Variants in PDS5B observed in about 807,000 individuals in gnomAD.
The protein encoded by PDS5B is sister chromatid cohesion protein PDS5 homolog B.
Under a neutral mutation model 184.1 loss-of-function variants are expected in PDS5B, and 51 were observed. The observed-to-expected ratio is 0.28, with a 90% CI of 0.22 to 0.35. The LOEUF (loss-of-function observed/expected upper bound fraction) is 0.35. PDS5B is among the 10% of genes least tolerant of loss of function. PDS5B has a pLI of 1.00. For synonymous variants in PDS5B, 566 were observed against 569.2 expected (o/e 0.99, Z 0.08); for missense variants, 1,180 against 1,723.3 (o/e 0.68, Z 5.58).
intron 33 of PDS5B, 79 bp downstream of exon 33, chr13:32,770,840 C>T: frequency 9.6e-7 from 1 of 1,045,242 alleles, no homozygotes; most frequent in Non-Finnish European, 1.4e-6. Context: ...ATACATATTG[C>T]TGTATTTAAA....
intron 1 of PDS5B, among the ~76,000 whole-genome samples, chr13:32,627,961 A>G (rs2058394810): frequency 6.6e-6 from 1 of 152,198 alleles, no homozygotes; most frequent in African/African-American, 2.4e-5. Context: ...AGCACTTTTG[A>G]CATTTCAGAA....
chr13:32,687,321 G>T, intron 12 of PDS5B, 36 bp downstream of exon 12: 1 of 1,415,680 alleles, frequency 7.1e-7, no homozygotes, highest in Non-Finnish European at 9.6e-7. Flanking sequence ...TGGTGACTTT[G>T]AATGTTATAT....
At chr13:32,732,876 A>G (rs1953173831) in intron 20 of PDS5B, among the ~76,000 whole-genome samples, 1 of 152,124 alleles carries the variant, frequency 6.6e-6, no homozygotes, top group African/African-American at 2.4e-5. Flanking sequence ...GTAGAGTCAA[A>G]ACAATTTAGA....
intron 1 of PDS5B, among the ~76,000 whole-genome samples, chr13:32,608,895 T>C (rs996566790): frequency 6.6e-6 from 1 of 152,200 alleles, no homozygotes; most frequent in African/African-American, 2.4e-5. Flanking sequence ...GCTTATCTTA[T>C]GTTGACCTAG....
Position 32,684,781 on chromosome 13 carries a change from C to T in PDS5B, c.1203+758C>T, listed in dbSNP as rs192016821. ...TTATCAAAGAAAGTGGGAGGCCTGCCTATTGGTTGTTGGAATATCTTTGAC... is the reference window on the plus strand; with the variant it reads ...TTATCAAAGAAAGTGGGAGGCCTGCTTATTGGTTGTTGGAATATCTTTGAC... On this transcript the variant is annotated intron_variant, in intron 11 of 34. Coordinates refer to ENST00000315596, the MANE Select transcript of PDS5B (RefSeq NM_015032.4). Among the ~76,000 whole-genome samples, 7 of 152,210 alleles carry T rather than the reference C, an allele frequency of 4.6e-5. No individual in the cohort carries two copies. The East Asian group carries it at 1.3e-3, about 29-fold the overall frequency.
At chr13:32,679,705 T>A (rs1021641184) in intron 10 of PDS5B, among the ~76,000 whole-genome samples, 4 of 152,200 alleles carry the variant, frequency 2.6e-5, no homozygotes, top group African/African-American at 9.7e-5. Flanking sequence ...TTCATCCTTT[T>A]TGGGAGACAT....
rs184708566 is a variant in PDS5B, at chr13:32,643,527, A to G, written c.-19-5227A>G. On this transcript the variant is annotated intron_variant, in intron 1 of 34. Transcript: ENST00000315596. ...ATCGCTACCACTTTTTTTCATATACAGTTGCGTACCACACAACTTTTCTGT... is the reference window on the plus strand; with the variant it reads ...ATCGCTACCACTTTTTTTCATATACGGTTGCGTACCACACAACTTTTCTGT... 1.9e-4 allele frequency among the ~76,000 whole-genome samples: 29 copies of G among 152,250 alleles called. No individual in the cohort carries two copies. In the East Asian group the frequency reaches 5.0e-3, roughly 26 times the overall value.
intron 17 of PDS5B, among the ~76,000 whole-genome samples, chr13:32,706,530 TG>T (rs943250684): frequency 6.6e-6 from 1 of 152,138 alleles, no homozygotes; most frequent in African/African-American, 2.4e-5. Flanking sequence ...GTAAATGGTT[TG>T]GAAGTGCTTA....
chr13:32,630,411 A>G (rs536046813), intron 1 of PDS5B, among the ~76,000 whole-genome samples: 17 of 152,046 alleles, frequency 1.1e-4, no homozygotes, highest in Non-Finnish European at 2.2e-4. Flanking sequence ...TGCCCTCCTC[A>G]TATCTAGTGA....
At chr13:32,650,155 C>A (rs1181951950) in intron 2 of PDS5B, 1 of 152,068 alleles carries the variant, frequency 6.6e-6, no homozygotes, top group Admixed American at 6.6e-5. Flanking sequence ...AGTTTTATAA[C>A]AGCATTTGAG....
intron 14 of PDS5B, among the ~76,000 whole-genome samples, chr13:32,696,583 G>A (rs926641937): frequency 6.6e-6 from 1 of 151,440 alleles, no homozygotes; most frequent in Admixed American, 6.6e-5. Context: ...ATACGTACCT[G>A]TTACAAAATG....
chr13:32,680,137 C>T (rs1951197099), intron 10 of PDS5B, among the ~76,000 whole-genome samples: 1 of 151,876 alleles, frequency 6.6e-6, no homozygotes, highest in Admixed American at 6.6e-5. Flanking sequence ...AAAGGCTTTC[C>T]TCAAATGATT....
At chr13:32,767,266 A>G (rs977998227) in intron 31 of PDS5B, among the ~76,000 whole-genome samples, 2 of 152,184 alleles carry the variant, frequency 1.3e-5, no homozygotes, top group Non-Finnish European at 2.9e-5. Flanking sequence ...TTAATGTGCT[A>G]AAAGTTTTGT....
rs1951320045 is a variant in PDS5B, at chr13:32,684,035, T to G, written c.1203+12T>G. 2 of 1,341,116 alleles carry G rather than the reference T, an allele frequency of 1.5e-6. No homozygotes were observed. Among genetic ancestry groups the G allele is most frequent in the Admixed American group, 4.2e-5 (2 of 48,062 alleles). The allele number at this position is 1,341,116 out of a possible 1,614,324, so 83.1% of individuals were successfully genotyped here. On this transcript the variant is annotated intron_variant, in intron 11 of 34. Coordinates refer to ENST00000315596, the MANE Select transcript of PDS5B (RefSeq NM_015032.4). ...CATTAGACAAACGAGTAAGTATGAA[T>G]AAATAATTATTACTAAGTTTTCATT...
chr13:32,654,995 A>T (rs1950465319), intron 3 of PDS5B, among the ~76,000 whole-genome samples: 1 of 152,150 alleles, frequency 6.6e-6, no homozygotes. Context: ...ACATATGCAT[A>T]CATGCGTCTT....
At chr13:32,608,209 C>A (rs1377422569) in intron 1 of PDS5B, among the ~76,000 whole-genome samples, 8 of 152,122 alleles carry the variant, frequency 5.3e-5, no homozygotes, top group South Asian at 2.1e-4. Flanking sequence ...AGTATTTTTG[C>A]TGATGGAAGG....
intron 1 of PDS5B, among the ~76,000 whole-genome samples, chr13:32,631,402 C>G (rs2058453581): frequency 6.6e-6 from 1 of 152,146 alleles, no homozygotes; most frequent in Admixed American, 6.5e-5. Context: ...CCCTATTTTT[C>G]TTAACATTTC....
intron 1 of PDS5B, among the ~76,000 whole-genome samples, chr13:32,621,072 G>A (rs939814429): frequency 4.6e-5 from 7 of 152,208 alleles, no homozygotes; most frequent in Admixed American, 6.5e-5. Flanking sequence ...TAGTGCTGTG[G>A]TAGAGTTGTC....
intron 10 of PDS5B, 151 bp downstream of exon 10, chr13:32,679,080 A>ATTT: frequency 3.9e-5 from 14 of 362,044 alleles, no homozygotes; most frequent in Admixed American, 9.0e-5. Context: ...CTGAAGCTAG[A>ATTT]TTTTTTTTTT....
Sources: allele counts gnomAD v4.1 joint callset (sites outside exome capture counted in the v4.1 genomes callset), GRCh38; gene constraint gnomAD v4.1.1; transcripts MANE v1.5; gene names NCBI Gene and HGNC (gene_info 2026-07-23, HGNC 2026-07-21).